The following RBFOX1 variants were observed in gnomAD, a reference collection of about 807,000 sequenced individuals.
RBFOX1 encodes RNA binding protein fox-1 homolog 1.
A neutral mutation model predicts 57.7 loss-of-function variants in RBFOX1; 8 were observed. The observed-to-expected ratio is 0.14, with a 90% CI of 0.08 to 0.25. The LOEUF is 0.25. Among genes scored for constraint, RBFOX1 ranks in the 10% least tolerant of loss-of-function variants. The pLI, the probability that RBFOX1 is intolerant of heterozygous loss-of-function variation, is 1.00. For missense variants in RBFOX1, 611 were observed against 548.5 expected (o/e 1.11, Z -1.14); for synonymous variants, 326 against 222.4 (o/e 1.47, Z -4.15).
intron 2 of RBFOX1, among the ~76,000 whole-genome samples, chr16:6,476,259 G>T (rs145379277): frequency 6.6e-6 from 1 of 152,066 alleles, no homozygotes; most frequent in African/African-American, 2.4e-5. Context: ...TCTTCCAGGG[G>T]TGTGTGTCTA....
chr16:5,972,566 A>G (rs1379296774), intron 4 of RBFOX1, among the ~76,000 whole-genome samples: 1 of 152,186 alleles, frequency 6.6e-6, no homozygotes, highest in Non-Finnish European at 1.5e-5. Flanking sequence ...TACCTCTGTG[A>G]TGGGAAAACA....
At chr16:5,462,298 A>T (rs947667346) in intron 1 of RBFOX1, among the ~76,000 whole-genome samples, 8 of 151,220 alleles carry the variant, frequency 5.3e-5, no homozygotes, top group African/African-American at 1.5e-4. Context: ...CCTCCCGAGT[A>T]GCTGGGACTA....
intron 4 of RBFOX1, among the ~76,000 whole-genome samples, chr16:7,506,851 A>G (rs547206344): frequency 6.6e-6 from 1 of 152,334 alleles, no homozygotes; most frequent in African/African-American, 2.4e-5. Flanking sequence ...GAAGTAGGTT[A>G]GAGTCCAACA....
chr16:6,843,471 G>T (rs571893490), intron 3 of RBFOX1, among the ~76,000 whole-genome samples: 2 of 152,040 alleles, frequency 1.3e-5, no homozygotes. Context: ...GGCAGATCAC[G>T]AGGTCAGGAG....
At chr16:5,292,170 C>G (rs1173071107) in intron 1 of RBFOX1, among the ~76,000 whole-genome samples, 1 of 152,174 alleles carries the variant, frequency 6.6e-6, no homozygotes, top group Non-Finnish European at 1.5e-5. Flanking sequence ...GGAGCTAAAT[C>G]TGTTTAGATG....
intron 4 of RBFOX1, among the ~76,000 whole-genome samples, chr16:7,112,709 C>T (rs1010491866): frequency 3.1e-5 from 2 of 63,500 alleles, no homozygotes; most frequent in African/African-American, 8.2e-5. Context: ...TCTGTCTGTC[C>T]GCAAATGGGT....
chr16:6,651,865 C>G (rs2098599105), intron 2 of RBFOX1, among the ~76,000 whole-genome samples: 1 of 152,146 alleles, frequency 6.6e-6, no homozygotes, highest in South Asian at 2.1e-4. Flanking sequence ...TCTCTCCATA[C>G]AATGCAATGT....
At chr16:6,668,776 A>G (rs1347386030) in intron 3 of RBFOX1, among the ~76,000 whole-genome samples, 2 of 150,806 alleles carry the variant, frequency 1.3e-5, no homozygotes, top group African/African-American at 2.4e-5. Context: ...ATTTATAGCT[A>G]TTATTTTCAT....
chr16:7,179,499 C>T (rs1460624792), intron 4 of RBFOX1, among the ~76,000 whole-genome samples: 1 of 152,162 alleles, frequency 6.6e-6, no homozygotes, highest in Non-Finnish European at 1.5e-5. Flanking sequence ...ATTTGCCAGG[C>T]TGCAGACCAA....
At chr16:7,046,603 C>CTTTTTTTTTTT (rs59921108) in intron 3 of RBFOX1, among the ~76,000 whole-genome samples, 4 of 84,972 alleles carry the variant, frequency 4.7e-5, no homozygotes, top group South Asian at 5.1e-4. Context: ...TGTGTTTTAT[C>CTTTTTTTTTTT]TTTTTTTTTT....
At chr16:7,179,608 A>G (rs889536240) in intron 4 of RBFOX1, among the ~76,000 whole-genome samples, 2 of 151,734 alleles carry the variant, frequency 1.3e-5, no homozygotes, top group Admixed American at 6.6e-5. Flanking sequence ...TTTTTTTTAT[A>G]TATTAAATTA....
intron 4 of RBFOX1, among the ~76,000 whole-genome samples, chr16:7,173,452 G>C (rs997696278): frequency 6.6e-6 from 1 of 152,062 alleles, no homozygotes; most frequent in Non-Finnish European, 1.5e-5. Context: ...GGGAGGCACT[G>C]GTTTCGAATG....
chr16:6,218,184 T>C (rs2097348504), intron 1 of RBFOX1, among the ~76,000 whole-genome samples: 1 of 152,210 alleles, frequency 6.6e-6, no homozygotes, highest in Non-Finnish European at 1.5e-5. Flanking sequence ...AGTAGAATAA[T>C]ATTAAAAATG....
Position 6,701,986 on chromosome 16 carries a change from G to T in RBFOX1, c.-16+47336G>T, listed in dbSNP as rs766416480. 2.0e-5 allele frequency among the ~76,000 whole-genome samples: 3 copies of T among 152,202 alleles called. 1 individual carries two copies. The highest frequency in any genetic ancestry group is 4.1e-4 in the South Asian group (2 of 4,828). ...GGAGGGTGAGGCTCAAAAACTACCT[G>T]TTGGGTACTATGCTTATTACCTGGG... On this transcript the variant is annotated intron_variant, in intron 3 of 15. Coordinates refer to ENST00000550418, the MANE Select transcript of RBFOX1 (RefSeq NM_018723.4).
At chr16:7,075,463 G>A (rs1483118356) in intron 4 of RBFOX1, among the ~76,000 whole-genome samples, 2 of 152,224 alleles carry the variant, frequency 1.3e-5, no homozygotes, top group South Asian at 2.1e-4. Context: ...TAATAATCTG[G>A]AAGTTTTACA....
intron 3 of RBFOX1, among the ~76,000 whole-genome samples, chr16:7,037,952 A>T (rs1407977127): frequency 6.6e-6 from 1 of 152,258 alleles, no homozygotes; most frequent in African/African-American, 2.4e-5. Context: ...TAAAATTATT[A>T]TTAGAGCTCT....
intron 2 of RBFOX1, among the ~76,000 whole-genome samples, chr16:6,409,668 G>T (rs953589210): frequency 1.3e-5 from 2 of 152,146 alleles, no homozygotes; most frequent in Non-Finnish European, 2.9e-5. Context: ...TCCCCAAATG[G>T]CTGTTGTAGT....
In RBFOX1 at chr16:6,985,604, GA is replaced by G. The variant is rs1477000524; in HGVS notation, c.-15-66452del. Reference sequence around the variant, plus strand: ...GCACTTTGGGAGGCCAAGGTGGGTGGATCATTTGAGGTCAGGAGTTAGAGAA... The same window carrying G: ...GCACTTTGGGAGGCCAAGGTGGGTGGTCATTTGAGGTCAGGAGTTAGAGAA... On this transcript the variant is annotated intron_variant, in intron 3 of 15. Transcript: ENST00000550418. Among the ~76,000 whole-genome samples, 3 of 152,146 alleles carry G rather than the reference GA, an allele frequency of 2.0e-5. No homozygotes were observed. In the East Asian group the frequency reaches 5.8e-4, roughly 29 times the overall value.
At chr16:7,516,586 C>G (rs1188205318) in intron 4 of RBFOX1, among the ~76,000 whole-genome samples, 2 of 152,176 alleles carry the variant, frequency 1.3e-5, no homozygotes, top group Admixed American at 1.3e-4. Context: ...TAGGCACACC[C>G]TCCATGGCCC....
Sources: gnomAD v4.1 joint callset for allele counts (sites outside exome capture counted in the v4.1 genomes callset) on GRCh38, gnomAD v4.1.1 for gene constraint, MANE v1.5 for transcripts, NCBI Gene and HGNC (gene_info 2026-07-23, HGNC 2026-07-21) for gene names.